Variants in GRID2 observed in about 807,000 individuals in gnomAD.
GRID2 encodes glutamate receptor ionotropic, delta-2.
GRID2 carries 33 observed loss-of-function variants against 114.8 expected under a neutral mutation model. That is an observed-to-expected ratio of 0.29 (90% CI 0.22 to 0.38). GRID2 has a LOEUF of 0.38. Ranked by LOEUF, GRID2 falls within the 10% of genes least tolerant of loss-of-function variation. GRID2 has a pLI of 1.00. For synonymous variants in GRID2, 505 were observed against 449.9 expected (o/e 1.12, Z -1.55); for missense variants, 1,184 against 1,257.7 (o/e 0.94, Z 0.89).
chr4:93,490,404 A>C (rs1726871766), intron 11 of GRID2, among the ~76,000 whole-genome samples: 1 of 151,900 alleles, frequency 6.6e-6, no homozygotes, highest in Non-Finnish European at 1.5e-5. Context: ...AGGGGGAAGA[A>C]CTATCATTTA....
At chr4:92,927,947 A>G (rs1749946170) in intron 2 of GRID2, among the ~76,000 whole-genome samples, 1 of 151,702 alleles carries the variant, frequency 6.6e-6, no homozygotes, top group Non-Finnish European at 1.5e-5. Flanking sequence ...CTTCAGTGCT[A>G]ATATTCTTTG....
intron 12 of GRID2, among the ~76,000 whole-genome samples, chr4:93,514,567 C>G (rs1330111222): frequency 2.0e-5 from 3 of 152,076 alleles, no homozygotes; most frequent in Non-Finnish European, 4.4e-5. Flanking sequence ...TGAATTCTAG[C>G]TCTCGCACTC....
chr4:92,934,579 A>T (rs919972376), intron 2 of GRID2, among the ~76,000 whole-genome samples: 1 of 146,576 alleles, frequency 6.8e-6, no homozygotes, highest in East Asian at 2.2e-4. Context: ...TGCATCGCCA[A>T]GTCAATCCTA....
chr4:93,493,046 A>G (rs1580236763), intron 12 of GRID2, among the ~76,000 whole-genome samples: 1 of 151,936 alleles, frequency 6.6e-6, no homozygotes, highest in African/African-American at 2.4e-5. Flanking sequence ...ATATCCTCCA[A>G]GTTCATCCAT....
intron 1 of GRID2, among the ~76,000 whole-genome samples, chr4:92,544,692 A>T (rs547989603): frequency 5.9e-5 from 9 of 152,276 alleles, no homozygotes; most frequent in Admixed American, 2.6e-4. Flanking sequence ...AAGGTCACAT[A>T]ACTCACTGAC....
chr4:92,617,331 G>A (rs1275235745), intron 2 of GRID2, among the ~76,000 whole-genome samples: 7 of 151,294 alleles, frequency 4.6e-5, no homozygotes, highest in Non-Finnish European at 1.0e-4. Flanking sequence ...TAGCTTTTAA[G>A]CCCCGCATGT....
In GRID2 at chr4:92,454,608, C is replaced by T. The variant is rs186339784; in HGVS notation, c.89-135523C>T. Among the ~76,000 whole-genome samples, 485 of 152,148 alleles carry T rather than the reference C, an allele frequency of 3.2e-3. 4 individuals are homozygous for T. The highest frequency in any genetic ancestry group is 0.011 in the African/African-American group (447 of 41,532). ...TCCCAGCACTTTGGGAGGCCGAGAT[C>T]GGCAGATCACGAGGTCAGGAGATCC... On this transcript the variant is annotated intron_variant, in intron 1 of 15. Transcript: ENST00000282020.
At chr4:92,342,595 AG>A (rs1560576807) in intron 1 of GRID2, among the ~76,000 whole-genome samples, 4 of 152,214 alleles carry the variant, frequency 2.6e-5, no homozygotes, top group Admixed American at 2.6e-4. Flanking sequence ...TGTTCTTGGA[AG>A]GAAATTCATT....
chr4:92,897,734 CA>C (rs1747276626), intron 2 of GRID2, among the ~76,000 whole-genome samples: 1 of 151,916 alleles, frequency 6.6e-6, no homozygotes, highest in African/African-American at 2.4e-5. Flanking sequence ...TGCTGGAACA[CA>C]ACGAAAAAAG....
chr4:92,722,668 ACCACT>A (rs891409067), intron 2 of GRID2, among the ~76,000 whole-genome samples: 9 of 152,108 alleles, frequency 5.9e-5, no homozygotes, highest in African/African-American at 1.9e-4. Flanking sequence ...CCATCTGGGA[ACCACT>A]CCTTTAGATG....
intron 2 of GRID2, among the ~76,000 whole-genome samples, chr4:92,651,534 G>C (rs1480748040): frequency 6.6e-6 from 1 of 151,934 alleles, no homozygotes; most frequent in Non-Finnish European, 1.5e-5. Flanking sequence ...CCACTAGCTA[G>C]GTCACCCTTT....
intron 12 of GRID2, among the ~76,000 whole-genome samples, chr4:93,493,059 TG>T (rs758870129): frequency 2.0e-5 from 3 of 151,912 alleles, no homozygotes; most frequent in Non-Finnish European, 4.4e-5. Flanking sequence ...TCATCCATGT[TG>T]TTGCAAATGG....
At chr4:93,645,360 T>C (rs17020916) in intron 14 of GRID2, among the ~76,000 whole-genome samples, 20,568 of 152,018 alleles carry the variant, frequency 0.14, 1,791 homozygotes, top group Non-Finnish European at 0.19. Flanking sequence ...GATATACCCA[T>C]ATAAGGAAAT....
At chr4:92,522,380 C>CATA (rs1179364617) in intron 1 of GRID2, among the ~76,000 whole-genome samples, 1 of 151,904 alleles carries the variant, frequency 6.6e-6, no homozygotes, top group Non-Finnish European at 1.5e-5. Context: ...GCGTTATAAG[C>CATA]CATTGTGACA....
At chr4:93,645,199 AG>A (rs1241711928) in intron 14 of GRID2, among the ~76,000 whole-genome samples, 2 of 152,190 alleles carry the variant, frequency 1.3e-5, no homozygotes, top group Non-Finnish European at 2.9e-5. Context: ...ATCAACGGAA[AG>A]AGGGGAGCAA....
intron 13 of GRID2, among the ~76,000 whole-genome samples, chr4:93,603,349 G>C (rs969419512): frequency 1.3e-5 from 2 of 152,210 alleles, no homozygotes; most frequent in African/African-American, 4.8e-5. Flanking sequence ...GCCAGAGCAA[G>C]GCCCTAACTT....
intron 8 of GRID2, among the ~76,000 whole-genome samples, chr4:93,387,722 C>A (rs187644231): frequency 4.6e-5 from 7 of 151,276 alleles, no homozygotes; most frequent in South Asian, 2.1e-4. Context: ...CCCAACTACT[C>A]GGCAGGCTGA....
At chr4:92,975,281 TTAA>T (rs1484813507) in intron 2 of GRID2, among the ~76,000 whole-genome samples, 2 of 151,742 alleles carry the variant, frequency 1.3e-5, no homozygotes, top group Non-Finnish European at 2.9e-5. Context: ...TGATTTTATA[TTAA>T]TACTTTTTTT....
At chr4:92,911,408 C>T (rs189059705) in intron 2 of GRID2, among the ~76,000 whole-genome samples, 2 of 152,062 alleles carry the variant, frequency 1.3e-5, no homozygotes, top group Admixed American at 1.3e-4. Context: ...GGACAACTTA[C>T]CTGTGTAACA....
Sources: gnomAD v4.1 joint callset for allele counts (sites outside exome capture counted in the v4.1 genomes callset) on GRCh38, gnomAD v4.1.1 for gene constraint, MANE v1.5 for transcripts, NCBI Gene and HGNC (gene_info 2026-07-23, HGNC 2026-07-21) for gene names.